Variants in FKBP5 observed in about 807,000 individuals in gnomAD.
FKBP5 encodes the protein FKBP prolyl isomerase 5.
A neutral mutation model predicts 50.5 loss-of-function variants in FKBP5; 23 were observed. That is an observed-to-expected ratio of 0.46 (90% CI 0.33 to 0.65). The LOEUF (loss-of-function observed/expected upper bound fraction) is 0.65. Among genes scored for constraint, FKBP5 ranks in the 30% least tolerant of loss-of-function variants. The pLI is 0.02. For missense variants in FKBP5, 411 were observed against 553.1 expected, an observed-to-expected ratio of 0.74 and a Z score of 2.58; for synonymous variants, 176 against 190.6, an observed-to-expected ratio of 0.92 and a Z score of 0.63.
intron 8 of FKBP5, chr6:35,581,083 T>C (rs1432001508): frequency 1.0e-6 from 1 of 963,352 alleles, no homozygotes; most frequent in Non-Finnish European, 1.2e-6. Flanking sequence ...GTGTTTCAGT[T>C]AAACTGTACT....
At chr6:35,664,665 G>A (rs1224750969) in intron 1 of FKBP5, 2 of 154,022 alleles carry the variant, frequency 1.3e-5, no homozygotes, top group African/African-American at 4.8e-5. Flanking sequence ...TTAAAATGCA[G>A]TTGTCAATCA....
chr6:35,585,938 C>T, intron 8 of FKBP5: 6 of 983,922 alleles, frequency 6.1e-6, no homozygotes, highest in Non-Finnish European at 6.0e-6. Context: ...ATTGCCACTC[C>T]TCCCTCCTGA....
At chr6:35,675,216 G>T (rs1014573117) in intron 1 of FKBP5, among the ~76,000 whole-genome samples, 6 of 152,224 alleles carry the variant, frequency 3.9e-5, no homozygotes, top group African/African-American at 1.4e-4. Context: ...ACCACAAAGT[G>T]GTAGTGATAA....
rs1293376365 is a variant in FKBP5 at position 35,574,053 on chromosome 6, G to A, written c.*1782C>T. On this transcript the variant is annotated 3_prime_UTR_variant, in exon 11 of 11. Transcript: ENST00000357266. ...GCTTTCCCAACAGTTTAGCAAGTAA[G>A]CAAAATCAGCTTTTGCTCTTCATAT... The A allele has an allele frequency of 6.6e-6, 1 of 152,208 alleles. No individual in the cohort carries two copies. Among genetic ancestry groups the A allele is most frequent in the Non-Finnish European group, 1.5e-5 (1 of 68,040 alleles). 9.4% of individuals were successfully genotyped at this position (152,208 alleles called of 1,614,324 possible). A position where few individuals can be genotyped will look rare whatever the true frequency, so the allele number is the denominator to read the frequency against.
At chr6:35,600,441 A>C (rs558400451) in intron 5 of FKBP5, among the ~76,000 whole-genome samples, 18 of 152,062 alleles carry the variant, frequency 1.2e-4, no homozygotes, top group African/African-American at 4.3e-4. Context: ...TTTTTACTGG[A>C]GTAAAAATTG....
chr6:35,633,673 A>C (rs1315717081), intron 3 of FKBP5, among the ~76,000 whole-genome samples: 2 of 152,102 alleles, frequency 1.3e-5, no homozygotes, highest in African/African-American at 4.8e-5. Context: ...GCTCTATCCT[A>C]GTATTTCCAA....
chr6:35,595,120 T>TAGGAGGGTTAAGTGC (rs1035973363), intron 6 of FKBP5, among the ~76,000 whole-genome samples: 1 of 152,174 alleles, frequency 6.6e-6, no homozygotes, highest in Non-Finnish European at 1.5e-5. Context: ...AACTGAAGCT[T>TAGGAGGGTTAAGTGC]AGGAGGGTTA....
intron 5 of FKBP5, chr6:35,607,745 G>A (rs868535923): frequency 1.5e-5 from 3 of 196,898 alleles, no homozygotes; most frequent in African/African-American, 7.1e-5. Context: ...TACCAAGTTC[G>A]TGCCGGACAT....
At chr6:35,715,281 C>T (rs745667072) in intron 2 of FKBP5, among the ~76,000 whole-genome samples, 2 of 152,154 alleles carry the variant, frequency 1.3e-5, no homozygotes, top group African/African-American at 2.4e-5. Context: ...AATCCCACTC[C>T]GCCACTTACT....
chr6:35,582,905 CA>C, intron 8 of FKBP5: 1 of 914,030 alleles, frequency 1.1e-6, no homozygotes, highest in Non-Finnish European at 1.3e-6. Flanking sequence ...ATATTGAAAT[CA>C]AAGGAATGTA....
chr6:35,707,304 C>T (rs9296160), intron 2 of FKBP5, among the ~76,000 whole-genome samples: 89,252 of 148,610 alleles, frequency 0.6, 28,445 homozygotes, highest in African/African-American at 0.82. Context: ...ACAACCTCTG[C>T]CTCCCAGTTT....
At chr6:35,612,526 C>T (rs1056051971) in intron 5 of FKBP5, among the ~76,000 whole-genome samples, 4 of 152,224 alleles carry the variant, frequency 2.6e-5, no homozygotes, top group African/African-American at 9.6e-5. Flanking sequence ...TTCTTTGTAA[C>T]TGTTTGTATT....
intron 2 of FKBP5, among the ~76,000 whole-genome samples, chr6:35,711,273 C>T (rs1017943103): frequency 2.0e-5 from 3 of 150,296 alleles, no homozygotes; most frequent in Admixed American, 6.7e-5. Flanking sequence ...GCCATGATCT[C>T]GCCACTGCAC....
chr6:35,696,668 C>T (rs773168433), intron 2 of FKBP5, among the ~76,000 whole-genome samples: 2 of 152,106 alleles, frequency 1.3e-5, no homozygotes, highest in East Asian at 3.8e-4. Flanking sequence ...CCATCAGAAT[C>T]TGAGATGACT....
chr6:35,583,914 C>T lies in FKBP5; in HGVS notation c.840+3120G>A, dbSNP rs889845862. ...AGGGTGGTGAAAATATAGCAAAGCC[C>T]GATTTATCTGAAGAGTTTAGAGGTT... On this transcript the variant is annotated intron_variant, in intron 8 of 10. Coordinates refer to ENST00000357266, the MANE Select transcript of FKBP5 (RefSeq NM_004117.4). 12 of 985,166 alleles carry T rather than the reference C, an allele frequency of 1.2e-5. No individual in the cohort carries two copies. In the Admixed American group the frequency reaches 3.1e-4, roughly 25 times the overall value. 61.0% of individuals were successfully genotyped at this position (985,166 alleles called of 1,614,324 possible).
intron 1 of FKBP5, among the ~76,000 whole-genome samples, chr6:35,666,393 T>TGAAAAAAAAAAAAAAAAAAA (rs1765218306): frequency 6.2e-5 from 1 of 16,168 alleles, no homozygotes. Context: ...ACTATTATAG[T>TGAAAAAAAAAAAAAAAAAAA]TAAAAAAAAA....
intron 10 of FKBP5, 44 bp downstream of exon 10, chr6:35,576,948 TGG>T (rs1561840124): frequency 6.2e-7 from 1 of 1,600,534 alleles, no homozygotes; most frequent in East Asian, 2.2e-5. Context: ...CAAAGGGGCA[TGG>T]TCAGGCTCTT....
At chr6:35,663,482 T>C (rs1168115929) in intron 1 of FKBP5, among the ~76,000 whole-genome samples, 2 of 152,232 alleles carry the variant, frequency 1.3e-5, no homozygotes, top group African/African-American at 4.8e-5. Flanking sequence ...GGCACTCCAA[T>C]GGTTTCCCAT....
chr6:35,600,214 T>C (rs1265361741), intron 5 of FKBP5, among the ~76,000 whole-genome samples: 2 of 152,176 alleles, frequency 1.3e-5, no homozygotes, highest in Non-Finnish European at 2.9e-5. Context: ...TGACTGTACA[T>C]GCATACTAGA....
Sources: gnomAD v4.1 joint callset for allele counts (sites outside exome capture counted in the v4.1 genomes callset) on GRCh38, gnomAD v4.1.1 for gene constraint, MANE v1.5 for transcripts, NCBI Gene and HGNC (gene_info 2026-07-23, HGNC 2026-07-21) for gene names.